The following TRMT1L variants were observed in gnomAD, a reference collection of about 807,000 sequenced individuals.
TRMT1L encodes tRNA methyltransferase 1L.
A neutral mutation model predicts 81.6 loss-of-function variants in TRMT1L; 28 were observed. The ratio of observed to expected loss-of-function variants is 0.34; its 90% CI spans 0.25 to 0.47. TRMT1L has a LOEUF of 0.47. Ranked by LOEUF, TRMT1L falls within the 20% of genes least tolerant of loss-of-function variation. The pLI is 1.00. For synonymous variants in TRMT1L, 301 were observed against 303.2 expected, an observed-to-expected ratio of 0.99 and a Z score of 0.07; for missense variants, 739 against 877.1, an observed-to-expected ratio of 0.84 and a Z score of 1.99.
chr1:185,132,867 C>A (rs1652807836), intron 10 of TRMT1L, among the ~76,000 whole-genome samples: 1 of 152,044 alleles, frequency 6.6e-6, no homozygotes, highest in Non-Finnish European at 1.5e-5. Context: ...AAGAAGTAAA[C>A]AAGGAAAGTG....
At chr1:185,137,459 T>C (rs746957225) in intron 10 of TRMT1L, 147 bp downstream of exon 10, 22 of 820,258 alleles carry the variant, frequency 2.7e-5, no homozygotes, top group Non-Finnish European at 3.9e-5. Context: ...TCTTGTCTGT[T>C]GACGAAAGGA....
intron 1 of TRMT1L, among the ~76,000 whole-genome samples, chr1:185,155,336 T>G (rs946813696): frequency 6.6e-6 from 1 of 152,218 alleles, no homozygotes; most frequent in Admixed American, 6.5e-5. Context: ...CAGCTCCCCA[T>G]GCCTCCCCGA....
chr1:185,126,395 C>T (rs1025110541), intron 11 of TRMT1L, among the ~76,000 whole-genome samples: 4 of 151,996 alleles, frequency 2.6e-5, no homozygotes, highest in Admixed American at 1.3e-4. Context: ...CCCGGGTTCA[C>T]GACATTCTCC....
chr1:185,128,908 A>C (rs1209362798), intron 10 of TRMT1L, among the ~76,000 whole-genome samples, 161 bp from the exon 11 acceptor site: 1 of 152,162 alleles, frequency 6.6e-6, no homozygotes, highest in Non-Finnish European at 1.5e-5. Context: ...GTGTGTGTGC[A>C]TATGTATACG....
At chr1:185,156,245 C>T (rs1653551211) in intron 1 of TRMT1L, among the ~76,000 whole-genome samples, 1 of 152,220 alleles carries the variant, frequency 6.6e-6, no homozygotes, top group Non-Finnish European at 1.5e-5. Flanking sequence ...CTATCTGCAG[C>T]ATTCCTGCTC....
intron 11 of TRMT1L, among the ~76,000 whole-genome samples, chr1:185,125,549 TAAGTC>T (rs1652603177): frequency 6.6e-6 from 1 of 152,144 alleles, no homozygotes; most frequent in Admixed American, 6.6e-5. Context: ...GAAACTTAAT[TAAGTC>T]AACAAGAATC....
At chr1:185,126,385 C>A (rs1363407111) in intron 11 of TRMT1L, among the ~76,000 whole-genome samples, 1 of 152,146 alleles carries the variant, frequency 6.6e-6, no homozygotes, top group Non-Finnish European at 1.5e-5. Flanking sequence ...TGCTCTGCCT[C>A]CCGGGTTCAC....
intron 9 of TRMT1L, among the ~76,000 whole-genome samples, chr1:185,138,210 T>C (rs1029074538): frequency 6.6e-6 from 1 of 152,190 alleles, no homozygotes; most frequent in African/African-American, 2.4e-5. Flanking sequence ...TACTGAAAAT[T>C]GAGTGAAAAA....
rs1170560843 is a variant in TRMT1L at position 185,145,427 on chromosome 1, T to A, written c.655+12A>T. The A allele has an allele frequency of 1.9e-6, 3 of 1,605,886 alleles. No homozygotes were observed. The highest frequency in any genetic ancestry group is 2.6e-6 in the Non-Finnish European group (3 of 1,174,500). On this transcript the variant is annotated intron_variant, in intron 5 of 14. Coordinates refer to ENST00000367506, the MANE Select transcript of TRMT1L (RefSeq NM_030934.5). ...TTACATATTAATATGTTAATGAGAT[T>A]GCTCAACTTACCTGCAATATAACTA...
chr1:185,134,696 ACTT>A (rs778252775), intron 10 of TRMT1L, among the ~76,000 whole-genome samples: 1 of 152,252 alleles, frequency 6.6e-6, no homozygotes, highest in Non-Finnish European at 1.5e-5. Context: ...AATTATAAGA[ACTT>A]CTATAAGGCA....
chr1:185,131,782 A>T (rs1400761201), intron 10 of TRMT1L, among the ~76,000 whole-genome samples: 5 of 152,220 alleles, frequency 3.3e-5, no homozygotes, highest in Admixed American at 3.3e-4. Flanking sequence ...CCAAAATATA[A>T]CTAAACAGAG....
intron 5 of TRMT1L, among the ~76,000 whole-genome samples, chr1:185,144,309 A>T (rs1001658396): frequency 6.6e-6 from 1 of 152,034 alleles, no homozygotes; most frequent in Non-Finnish European, 1.5e-5. Flanking sequence ...CAGCACATCA[A>T]TACATCTGTA....
chr1:185,140,359 C>T (rs1000971544), intron 7 of TRMT1L, 137 bp from the exon 8 acceptor site: 5 of 756,686 alleles, frequency 6.6e-6, no homozygotes, highest in Non-Finnish European at 1.0e-5. Flanking sequence ...TTCCTTCTTA[C>T]TACAAAGCTT....
intron 11 of TRMT1L, among the ~76,000 whole-genome samples, chr1:185,125,594 G>A (rs774596826): frequency 1.3e-5 from 2 of 152,162 alleles, no homozygotes; most frequent in Non-Finnish European, 2.9e-5. Flanking sequence ...AGAAGGGAGA[G>A]GGTGATGAAG....
rs902097627 is a variant in TRMT1L, at chr1:185,156,661, C to T, written c.52G>A (p.Glu18Lys). 2 of 1,611,508 alleles carry T rather than the reference C, an allele frequency of 1.2e-6. No homozygotes were observed. The highest frequency in any genetic ancestry group is 1.7e-6 in the Non-Finnish European group (2 of 1,179,330). ...GTCGGGACCTGGACCTGGGCCACCT[C>T]CACCTCCTCCTTCTCCAGGGGCAGC... ...ELLPLEKEEV[E>K]VAQVQVPTPA... Residue 18 changes from glutamate (E) to lysine (K), a missense_variant, in exon 1 of 15, where the codon GAG (glutamate) becomes AAG (lysine). By Grantham distance (56) the Glu-to-Lys change is moderately conservative. Coordinates refer to ENST00000367506, the MANE Select transcript of TRMT1L (RefSeq NM_030934.5).
intron 5 of TRMT1L, 129 bp from the exon 6 acceptor site, chr1:185,144,158 A>G (rs1294055438): frequency 9.5e-7 from 1 of 1,055,890 alleles, no homozygotes. Flanking sequence ...ATAACTTTAT[A>G]TTATTTTGTG....
chr1:185,128,738 T>A lies in TRMT1L; in HGVS notation c.1523A>T (p.Tyr508Phe), dbSNP rs1652696010. ...ATGACAGTTACAAGGCAGCTGTCTA[T>A]ATGGGTTTTCTGTAAAAAGATAATA... ...KDGNMVEENP[Y>F]RQLPCNCHGS... The change falls in exon 11 of 15, where the codon TAT (tyrosine) becomes TTT (phenylalanine). Residue 508 changes from tyrosine (Y) to phenylalanine (F), a missense_variant. Tyr to Phe is a conservative substitution (Grantham distance 22, BLOSUM62 3). This residue lies in a region of TRMT1L where 331 missense variants were observed against 462.2 expected (regional missense o/e 0.72). Coordinates refer to ENST00000367506, the MANE Select transcript of TRMT1L (RefSeq NM_030934.5). The A allele has an allele frequency of 6.2e-7, 1 of 1,603,312 alleles. No homozygotes were observed. The highest frequency in any genetic ancestry group is 1.8e-5 in the Admixed American group (1 of 56,520).
At chr1:185,152,435 T>C (rs1023338203) in intron 1 of TRMT1L, among the ~76,000 whole-genome samples, 5 of 152,182 alleles carry the variant, frequency 3.3e-5, no homozygotes, top group African/African-American at 1.2e-4. Context: ...TTTGGGGGGA[T>C]GGAGTCAGTA....
chr1:185,131,968 C>G (rs1025860284), intron 10 of TRMT1L, among the ~76,000 whole-genome samples: 1 of 151,592 alleles, frequency 6.6e-6, no homozygotes, highest in Non-Finnish European at 1.5e-5. Flanking sequence ...TGCTGAAACC[C>G]TGTCTCTACT....
Sources: allele counts gnomAD v4.1 joint callset (sites outside exome capture counted in the v4.1 genomes callset), GRCh38; gene constraint gnomAD v4.1.1; regional missense constraint gnomAD v4.1.1; transcripts MANE v1.5; gene names NCBI Gene and HGNC (gene_info 2026-07-23, HGNC 2026-07-21).